The following PRKAA2 variants were observed in gnomAD, a reference collection of about 807,000 sequenced individuals.
PRKAA2 encodes protein kinase AMP-activated catalytic subunit alpha 2.
Under a neutral mutation model 56.3 loss-of-function variants are expected in PRKAA2, and 40 were observed. The observed-to-expected ratio is 0.71, with a 90% CI of 0.55 to 0.92. PRKAA2 has a LOEUF of 0.92. Ranked by LOEUF, PRKAA2 falls within the 40% of genes least tolerant of loss-of-function variation. The pLI, the probability that PRKAA2 is intolerant of heterozygous loss-of-function variation, is 0.00. For missense variants in PRKAA2, 542 were observed against 686.9 expected (o/e 0.79, Z 2.36); for synonymous variants, 214 against 234.2 (o/e 0.91, Z 0.79).
rs118106678 is a variant in PRKAA2, at chr1:56,686,870, C to T, written c.237-4524C>T. On this transcript the variant is annotated intron_variant, in intron 2 of 8. Transcript: ENST00000371244. ...GCAAATAATAGCAACATTATAGAAA[C>T]AACCTAAATACTCTTTTTTTTTTTT... 2.2e-5 allele frequency among the ~76,000 whole-genome samples: 3 copies of T among 138,974 alleles called. No homozygotes were observed. In the East Asian group the frequency reaches 6.5e-4, roughly 30 times the overall value. The allele number at this position is 138,974 out of a possible 152,430, so 91.2% of individuals were successfully genotyped here. A position where few individuals can be genotyped will look rare whatever the true frequency, so the allele number is the denominator to read the frequency against.
In PRKAA2 at chr1:56,696,103, C is replaced by A. The variant is rs141053201; in HGVS notation, c.732C>A (p.Leu244=). Residue 244 remains leucine (L), a synonymous_variant, in exon 6 of 9, where the codon CTC becomes CTA. Coordinates refer to ENST00000371244, the MANE Select transcript of PRKAA2 (RefSeq NM_006252.4). ...PEYLNRSVAT[L]LMHMLQVDPL... is the part of the protein sequence containing the mutation. Reference sequence around the variant, plus strand: ...ATCTCAATCGTTCTGTCGCCACTCTCCTGATGCATATGCTGCAGGTTGACC... The same window carrying A: ...ATCTCAATCGTTCTGTCGCCACTCTACTGATGCATATGCTGCAGGTTGACC... 8.1e-5 allele frequency: 130 copies of A among 1,613,540 alleles called. No individual in the cohort carries two copies. The African/African-American group carries it at 1.2e-3, about 14-fold the overall frequency.
intron 6 of PRKAA2, among the ~76,000 whole-genome samples, chr1:56,700,254 A>G (rs977686183): frequency 6.6e-6 from 1 of 152,186 alleles, no homozygotes; most frequent in Non-Finnish European, 1.5e-5. Flanking sequence ...GTGATTAGAT[A>G]ACAATTTCCT....
intron 2 of PRKAA2, among the ~76,000 whole-genome samples, chr1:56,682,189 G>A (rs1644160141): frequency 6.6e-6 from 1 of 152,080 alleles, no homozygotes; most frequent in Admixed American, 6.5e-5. Flanking sequence ...ATATAATCAT[G>A]AAGGACAGAG....
chr1:56,691,364 T>C (rs943470428), intron 2 of PRKAA2, 30 bp from the exon 3 acceptor site: 10 of 1,551,434 alleles, frequency 6.4e-6, no homozygotes, highest in Non-Finnish European at 8.9e-6. Context: ...AGTAACATAC[T>C]TTGTTAACTT....
intron 1 of PRKAA2, among the ~76,000 whole-genome samples, chr1:56,655,819 CG>C (rs578104944): frequency 2.1e-3 from 321 of 152,238 alleles, no homozygotes; most frequent in African/African-American, 7.3e-3. Flanking sequence ...CCTCTGAAGA[CG>C]GATATCCTGC....
Position 56,704,048 on chromosome 1 carries a change from A to G in PRKAA2, c.866A>G (p.Asp289Gly), listed in dbSNP as rs369053692. 4 of 1,614,082 alleles carry G rather than the reference A, an allele frequency of 2.5e-6. No individual in the cohort carries two copies. Among genetic ancestry groups the G allele is most frequent in the Non-Finnish European group, 3.4e-6 (4 of 1,179,930 alleles). Residue 289 changes from aspartate (D) to glycine (G), a missense_variant, in exon 7 of 9, where the codon GAT becomes GGT. This residue lies in a region of PRKAA2 where 198 missense variants were observed against 234.0 expected (regional missense o/e 0.85). Coordinates refer to ENST00000371244, the MANE Select transcript of PRKAA2 (RefSeq NM_006252.4). ...EDPSYDANVI[D>G]DEAVKEVCEK... is the part of the protein sequence containing the mutation. ...CCTTCCTATGATGCTAACGTCATTG[A>G]TGATGAGGCTGTGAAAGAAGTGTGT...
At chr1:56,685,519 A>C (rs1290785861) in intron 2 of PRKAA2, among the ~76,000 whole-genome samples, 1 of 152,188 alleles carries the variant, frequency 6.6e-6, no homozygotes, top group Non-Finnish European at 1.5e-5. Flanking sequence ...ATTAATGTGA[A>C]TTAATGCATC....
intron 2 of PRKAA2, among the ~76,000 whole-genome samples, chr1:56,683,381 A>G (rs1644169239): frequency 6.6e-6 from 1 of 152,170 alleles, no homozygotes; most frequent in African/African-American, 2.4e-5. Flanking sequence ...CTAGGAGTCC[A>G]AGCAAGAACA....
chr1:56,685,599 T>TACA (rs960353657), intron 2 of PRKAA2, among the ~76,000 whole-genome samples: 1 of 152,162 alleles, frequency 6.6e-6, no homozygotes, highest in Admixed American at 6.5e-5. Context: ...TGGCTAGAGG[T>TACA]ACACTACACT....
intron 5 of PRKAA2, among the ~76,000 whole-genome samples, chr1:56,694,120 G>T (rs1396518491): frequency 6.6e-6 from 1 of 152,044 alleles, no homozygotes; most frequent in African/African-American, 2.4e-5. Flanking sequence ...TTTTACAAAA[G>T]TGCAGATAAG....
intron 4 of PRKAA2, 62 bp downstream of exon 4, chr1:56,692,564 T>C: frequency 2.4e-5 from 37 of 1,518,678 alleles, no homozygotes; most frequent in Non-Finnish European, 3.3e-5. Context: ...AACAACTCAT[T>C]GAACTAAGAA....
chr1:56,672,081 G>C (rs1644081074), intron 1 of PRKAA2, among the ~76,000 whole-genome samples: 1 of 152,092 alleles, frequency 6.6e-6, no homozygotes, highest in South Asian at 2.1e-4. Flanking sequence ...GTTTGGTGAA[G>C]AAGAGGAGGA....
At chr1:56,674,658 A>G (rs1039576193) in intron 2 of PRKAA2, 136 bp downstream of exon 2, 82 of 683,112 alleles carry the variant, frequency 1.2e-4, no homozygotes, top group Middle Eastern at 4.6e-4. Flanking sequence ...GTGTTAATTC[A>G]TTTAACCTTT....
At chr1:56,667,837 A>G (rs187728694) in intron 1 of PRKAA2, among the ~76,000 whole-genome samples, 1 of 152,222 alleles carries the variant, frequency 6.6e-6, no homozygotes, top group Admixed American at 6.5e-5. Flanking sequence ...TTCTGTAGAC[A>G]CCCTGAAGGA....
intron 7 of PRKAA2, among the ~76,000 whole-genome samples, chr1:56,705,449 G>C (rs1032204382): frequency 6.6e-6 from 1 of 152,112 alleles, no homozygotes; most frequent in Non-Finnish European, 1.5e-5. Context: ...CTGTTGCCCA[G>C]GCTGGAGTGC....
At position 56,695,901 on chromosome 1, in the gene PRKAA2, C is replaced by G. The variant is rs753938384; in HGVS notation, c.564-34C>G. 73 of 1,562,744 alleles carry G rather than the reference C, an allele frequency of 4.7e-5. No homozygotes were observed. The Admixed American group carries it at 1.2e-3, about 26-fold the overall frequency. ...GTACATAGAGAAAAAGTGATTCTTG[C>G]ATTTCAGGTTTGTGTTGTCATCTTT... On this transcript the variant is annotated intron_variant, in intron 5 of 8. Coordinates refer to ENST00000371244, the MANE Select transcript of PRKAA2 (RefSeq NM_006252.4).
intron 3 of PRKAA2, among the ~76,000 whole-genome samples, 192 bp downstream of exon 3, chr1:56,691,679 A>G (rs1644229184): frequency 6.6e-6 from 1 of 152,228 alleles, no homozygotes; most frequent in Non-Finnish European, 1.5e-5. Flanking sequence ...TTTAGAAAAT[A>G]TGTTTCACTT....
chr1:56,695,166 C>G (rs857157), intron 5 of PRKAA2, among the ~76,000 whole-genome samples: 171 of 142,658 alleles, frequency 1.2e-3, no homozygotes, highest in African/African-American at 3.9e-3. Context: ...ATCTCTCTCT[C>G]TATATATATG....
intron 1 of PRKAA2, among the ~76,000 whole-genome samples, chr1:56,671,995 T>G (rs1471960737): frequency 6.6e-6 from 1 of 152,204 alleles, no homozygotes; most frequent in East Asian, 1.9e-4. Flanking sequence ...CAAGAAATAT[T>G]TAGGAGATTA....
Sources: gnomAD v4.1 joint callset for allele counts (sites outside exome capture counted in the v4.1 genomes callset) on GRCh38, gnomAD v4.1.1 for gene constraint, gnomAD v4.1.1 regional missense constraint, MANE v1.5 for transcripts, NCBI Gene and HGNC (gene_info 2026-07-23, HGNC 2026-07-21) for gene names.